ACSBG1: variants seen among roughly 807,000 people sequenced by gnomAD.
ACSBG1 encodes acyl-CoA synthetase bubblegum family member 1, also known as long-chain-fatty-acid--CoA ligase ACSBG1.
Under a neutral mutation model 80.2 loss-of-function variants are expected in ACSBG1, and 39 were observed. The ratio of observed to expected loss-of-function variants is 0.49; its 90% CI spans 0.38 to 0.64. The LOEUF is 0.64. Ranked by LOEUF, ACSBG1 falls within the 30% of genes least tolerant of loss-of-function variation. The pLI is 0.00. For synonymous variants in ACSBG1, 392 were observed against 379.5 expected (o/e 1.03, Z -0.38); for missense variants, 828 against 966.4 (o/e 0.86, Z 1.90).
chr15:78,232,744 G>A (rs1272460983), intron 1 of ACSBG1, among the ~76,000 whole-genome samples: 1 of 151,716 alleles, frequency 6.6e-6, no homozygotes, highest in Non-Finnish European at 1.5e-5. Context: ...GAGTGCAGTG[G>A]CACGATCTTG....
At chr15:78,202,546 C>T (rs28641714) in intron 2 of ACSBG1, among the ~76,000 whole-genome samples, 8,061 of 152,190 alleles carry the variant, frequency 0.053, 754 homozygotes, top group African/African-American at 0.19. Context: ...TTCTTCCCTG[C>T]CTTTCCTCAC....
At position 78,171,089 on chromosome 15, in the gene ACSBG1, C is replaced by T. The variant is rs2074816134; in HGVS notation, c.*355G>A. 1.7e-5 allele frequency: 3 copies of T among 181,772 alleles called. No individual in the cohort carries two copies. In the South Asian group the frequency reaches 3.8e-4, roughly 23 times the overall value. The allele number at this position is 181,772 out of a possible 1,614,324, so 11.3% of individuals were successfully genotyped here. On this transcript the variant is annotated 3_prime_UTR_variant, in exon 14 of 14. Transcript: ENST00000258873. ...ATCAGCCATCTCTCTCCTACCCGCT[C>T]CACAGCCTACTGCTGGCTGTCCTGT...
At chr15:78,201,074 C>T (rs948408926) in intron 2 of ACSBG1, among the ~76,000 whole-genome samples, 2 of 152,212 alleles carry the variant, frequency 1.3e-5, no homozygotes, top group Non-Finnish European at 2.9e-5. Flanking sequence ...TCTTCAAGGA[C>T]CACGTGTTGC....
At chr15:78,204,512 G>C (rs1419334944) in intron 2 of ACSBG1, among the ~76,000 whole-genome samples, 1 of 152,212 alleles carries the variant, frequency 6.6e-6, no homozygotes, top group East Asian at 1.9e-4. Flanking sequence ...CAGTGTCTGA[G>C]GCTGTCCAGG....
chr15:78,225,823 G>A (rs1172949596), intron 1 of ACSBG1, among the ~76,000 whole-genome samples: 1 of 152,182 alleles, frequency 6.6e-6, no homozygotes, highest in East Asian at 1.9e-4. Flanking sequence ...AGGAATCTAG[G>A]CATGGGCTAG....
chr15:78,195,474 CA>C (rs1308782240), intron 2 of ACSBG1, among the ~76,000 whole-genome samples: 1 of 152,016 alleles, frequency 6.6e-6, no homozygotes, highest in African/African-American at 2.4e-5. Flanking sequence ...CTTTAAGAGT[CA>C]GAGGCTTACT....
chr15:78,201,784 C>A (rs1405649148), intron 2 of ACSBG1, among the ~76,000 whole-genome samples: 1 of 152,176 alleles, frequency 6.6e-6, no homozygotes, highest in Non-Finnish European at 1.5e-5. Context: ...TGGCAAGGTA[C>A]GCCAAATGCA....
In ACSBG1 at chr15:78,193,984, C is replaced by T. The variant is rs777002616; in HGVS notation, c.490G>A (p.Gly164Ser). The change falls in exon 4 of 14, where the codon GGC becomes AGC. Residue 164 changes from glycine to serine, a missense_variant. This residue lies in a region of ACSBG1 where 356 missense variants were observed against 363.5 expected (regional missense o/e 0.98). Transcript: ENST00000258873. Reference sequence around the variant, plus strand: ...AAGAACCACTCCGGGGAGTTGAAGCCGAGGATGGCCACACTGTGGGCCTGC... The same window carrying T: ...AAGAACCACTCCGGGGAGTTGAAGCTGAGGATGGCCACACTGTGGGCCTGC... ...LKQAHSVAIL[G>S]FNSPEWFFSA... The T allele has an allele frequency of 1.1e-5, 17 of 1,613,898 alleles. No individual in the cohort carries two copies. Among genetic ancestry groups the T allele is most frequent in the East Asian group, 6.7e-5 (3 of 44,890 alleles).
intron 2 of ACSBG1, among the ~76,000 whole-genome samples, chr15:78,201,691 G>A (rs755515111): frequency 4.6e-5 from 7 of 152,230 alleles, no homozygotes; most frequent in African/African-American, 9.6e-5. Context: ...TGCTCACACC[G>A]TGTCCTCTGC....
Position 78,178,608 on chromosome 15 carries a change from G to A in ACSBG1, c.1702+6C>T, listed in dbSNP as rs200911228. 8 of 1,603,730 alleles carry A rather than the reference G, an allele frequency of 5.0e-6. No individual in the cohort carries two copies. The East Asian group carries it at 1.8e-4, about 36-fold the overall frequency. ...TGAGCCACCGTGCCTGGCCTGGGGT[G>A]CTCACCTTTGAGGCGCCCAGTGATG... is the stretch of plus-strand genomic sequence containing the variant. On this transcript the variant is annotated splice_donor_region_variant and intron_variant, in intron 11 of 13. Coordinates refer to ENST00000258873, the MANE Select transcript of ACSBG1 (RefSeq NM_015162.5). This position sits in a 1 kb window ranked among gnomAD's most constrained non-coding sequence, Gnocchi z 4.3.
intron 1 of ACSBG1, among the ~76,000 whole-genome samples, chr15:78,227,218 C>CAAAAAAAAAAAAAAAAAAAAAAAAA (rs56011241): frequency 1.9e-5 from 1 of 53,748 alleles, no homozygotes; most frequent in Non-Finnish European, 3.4e-5. Context: ...GACCCTGTCT[C>CAAAAAAAAAAAAAAAAAAAAAAAAA]AAAAAAAAAA....
At chr15:78,224,484 C>T (rs1011070188) in intron 1 of ACSBG1, among the ~76,000 whole-genome samples, 2 of 152,116 alleles carry the variant, frequency 1.3e-5, no homozygotes, top group African/African-American at 4.8e-5. Flanking sequence ...CTTTGGGAGG[C>T]CAAGGCAGGC....
chr15:78,186,092 G>C (rs947325348), intron 5 of ACSBG1, among the ~76,000 whole-genome samples: 1 of 152,110 alleles, frequency 6.6e-6, no homozygotes. Flanking sequence ...GTGCATATAT[G>C]TTTAGGATAG....
At chr15:78,174,590 C>G (rs889843090) in intron 11 of ACSBG1, 66 bp from the exon 12 acceptor site, 15 of 1,544,006 alleles carry the variant, frequency 9.7e-6, no homozygotes, top group Non-Finnish European at 1.2e-5. Flanking sequence ...AACCACAACC[C>G]AAGCCTCAAC....
intron 1 of ACSBG1, among the ~76,000 whole-genome samples, chr15:78,228,356 C>T (rs748208267): frequency 2.6e-5 from 4 of 152,252 alleles, no homozygotes; most frequent in Non-Finnish European, 5.9e-5. Context: ...GTTCCCCTTC[C>T]CTAGAGGTAA....
chr15:78,197,891 A>G (rs867363517), intron 2 of ACSBG1, among the ~76,000 whole-genome samples: 7 of 152,156 alleles, frequency 4.6e-5, no homozygotes, highest in Middle Eastern at 3.4e-3. Flanking sequence ...TGGACTACAG[A>G]AAAGGTGACT....
At chr15:78,183,767 G>T (rs2074972681) in intron 5 of ACSBG1, among the ~76,000 whole-genome samples, 1 of 151,916 alleles carries the variant, frequency 6.6e-6, no homozygotes, top group African/African-American at 2.4e-5. Context: ...AGGAAGTCAG[G>T]TGTGGTGGCT....
intron 2 of ACSBG1, among the ~76,000 whole-genome samples, chr15:78,200,437 G>A (rs1205561794): frequency 6.6e-6 from 1 of 152,150 alleles, no homozygotes; most frequent in Non-Finnish European, 1.5e-5. Flanking sequence ...GGAGATTCTG[G>A]TGGGAAGGAG....
chr15:78,173,600 T>C lies in ACSBG1; in HGVS notation c.2082A>G (p.Gly694=). The C allele has an allele frequency of 3.1e-6, 5 of 1,614,044 alleles. No homozygotes were observed. The highest frequency in any genetic ancestry group is 3.4e-6 in the Non-Finnish European group (4 of 1,179,998). ...TGAAAAGGAAAAACCTACCCAACTCTCCACCCGAAATGGAGAAGTCTCTCT... is the reference window on the plus strand; with the variant it reads ...TGAAAAGGAAAAACCTACCCAACTCCCCACCCGAAATGGAGAAGTCTCTCT... ...ILERDFSISG[G]ELGPTMKLKR... Residue 694 remains glycine (G), a synonymous_variant, in exon 13 of 14, where the codon GGA becomes GGG. Coordinates refer to ENST00000258873, the MANE Select transcript of ACSBG1 (RefSeq NM_015162.5).
Sources: gnomAD v4.1 joint callset for allele counts (sites outside exome capture counted in the v4.1 genomes callset) on GRCh38, gnomAD v4.1.1 for gene constraint, gnomAD v4.1.1 regional missense constraint, Gnocchi (gnomAD v3.1) non-coding constraint, MANE v1.5 for transcripts, NCBI Gene and HGNC (gene_info 2026-07-23, HGNC 2026-07-21) for gene names.